The following SRBD1 variants were observed in gnomAD, a reference collection of about 807,000 sequenced individuals.
The protein encoded by SRBD1 is S1 RNA-binding domain-containing protein 1.
SRBD1 carries 88 observed loss-of-function variants against 115.3 expected under a neutral mutation model. The observed-to-expected ratio is 0.76, with a 90% CI of 0.64 to 0.91. The LOEUF is 0.91. SRBD1 is among the 40% of genes least tolerant of loss of function. The probability of loss-of-function intolerance (pLI) is 0.00; values close to 1 mark genes in which losing one functional copy is unlikely to be tolerated. For synonymous variants in SRBD1, 509 were observed against 407.7 expected (o/e 1.25, Z -2.99); for missense variants, 1,385 against 1,177.4 (o/e 1.18, Z -2.58).
intron 14 of SRBD1, among the ~76,000 whole-genome samples, chr2:45,507,751 T>A (rs1670840554): frequency 6.6e-6 from 1 of 151,424 alleles, no homozygotes; most frequent in Admixed American, 6.6e-5. Flanking sequence ...ACAAACAAAA[T>A]AATAATAATA....
At chr2:45,520,982 T>G (rs748336616) in intron 14 of SRBD1, among the ~76,000 whole-genome samples, 60 of 152,086 alleles carry the variant, frequency 3.9e-4, no homozygotes, top group Non-Finnish European at 6.8e-4. Flanking sequence ...TCTGAGCTGG[T>G]TAACACTTAA....
At chr2:45,603,997 C>T (rs1056793056) in intron 2 of SRBD1, among the ~76,000 whole-genome samples, 2 of 152,100 alleles carry the variant, frequency 1.3e-5, no homozygotes, top group African/African-American at 4.8e-5. Context: ...CCAGTCTTTC[C>T]AAAATGTCTG....
chr2:45,553,753 C>A, intron 10 of SRBD1, 23 bp from the exon 11 acceptor site: 2 of 1,479,392 alleles, frequency 1.4e-6, no homozygotes, highest in Non-Finnish European at 1.8e-6. Flanking sequence ...AAAGCCCACA[C>A]TAAAACTGAT....
chr2:45,461,295 T>C (rs528928112), intron 16 of SRBD1, among the ~76,000 whole-genome samples: 1 of 152,328 alleles, frequency 6.6e-6, no homozygotes, highest in South Asian at 2.1e-4. Context: ...GGCAGTTAAA[T>C]GGCTTACTGA....
intron 14 of SRBD1, among the ~76,000 whole-genome samples, chr2:45,531,009 G>A (rs1288992062): frequency 6.7e-6 from 1 of 148,656 alleles, no homozygotes; most frequent in Non-Finnish European, 1.5e-5. Context: ...AGAATCAATT[G>A]TCAAATAATT....
chr2:45,488,144 T>C, intron 15 of SRBD1, 96 bp downstream of exon 15: 1 of 1,044,290 alleles, frequency 9.6e-7, no homozygotes, highest in Non-Finnish European at 1.5e-6. Flanking sequence ...AGTATAACTT[T>C]TAAATTTTCT....
intron 12 of SRBD1, 105 bp downstream of exon 12, chr2:45,551,020 T>G: frequency 7.3e-7 from 1 of 1,377,806 alleles, no homozygotes; most frequent in South Asian, 1.6e-5. Context: ...AACCACTTTT[T>G]AAGCCTTTAA....
At chr2:45,561,983 A>C (rs1306964775) in intron 10 of SRBD1, among the ~76,000 whole-genome samples, 2 of 152,204 alleles carry the variant, frequency 1.3e-5, no homozygotes, top group African/African-American at 4.8e-5. Flanking sequence ...TATGATACAT[A>C]GAGCATATTT....
chr2:45,547,425 G>T, intron 13 of SRBD1, 97 bp downstream of exon 13: 2 of 1,021,902 alleles, frequency 2.0e-6, no homozygotes, highest in South Asian at 1.5e-5. Flanking sequence ...TCTCACAAAG[G>T]CACCTCCCTT....
chr2:45,599,693 A>G lies in SRBD1; in HGVS notation c.404T>C (p.Val135Ala), dbSNP rs766327469. The G allele has an allele frequency of 6.2e-7, 1 of 1,614,062 alleles. No homozygotes were observed. Among genetic ancestry groups the G allele is most frequent in the East Asian group, 2.2e-5 (1 of 44,874 alleles). The change falls in exon 4 of 21, where the codon GTT becomes GCT. Residue 135 changes from valine (V) to alanine (A), a missense_variant. By Grantham distance (64) the Val-to-Ala change is moderately conservative. Transcript: ENST00000263736. ...HTVRRTKKLK[V>A]EEETSKASNL... ...GCTGGCTTTGCTGGTTTCTTCTTCA[A>G]CTTTCAGCTTTTTAGTCCTTCGAAC...
At chr2:45,584,073 T>C (rs996722725) in intron 5 of SRBD1, among the ~76,000 whole-genome samples, 1 of 152,208 alleles carries the variant, frequency 6.6e-6, no homozygotes, top group African/African-American at 2.4e-5. Flanking sequence ...ACTTTCTTAA[T>C]TACCTTGCCT....
chr2:45,396,943 T>C (rs902857313), intron 19 of SRBD1, among the ~76,000 whole-genome samples: 1 of 152,166 alleles, frequency 6.6e-6, no homozygotes, highest in African/African-American at 2.4e-5. Flanking sequence ...AAACATATGA[T>C]TTACAACTCC....
chr2:45,550,872 G>A (rs77772687), intron 12 of SRBD1, among the ~76,000 whole-genome samples: 4 of 152,120 alleles, frequency 2.6e-5, no homozygotes, highest in Non-Finnish European at 4.4e-5. Flanking sequence ...GTTCAAGTCC[G>A]AGCCTAATTA....
At chr2:45,401,283 T>C (rs577559047) in intron 19 of SRBD1, among the ~76,000 whole-genome samples, 1 of 152,290 alleles carries the variant, frequency 6.6e-6, no homozygotes, top group South Asian at 2.1e-4. Flanking sequence ...GCTGTATCTT[T>C]AAAAACAAAA....
intron 8 of SRBD1, 90 bp downstream of exon 8, chr2:45,574,537 T>A: frequency 8.1e-7 from 1 of 1,235,656 alleles, no homozygotes. Flanking sequence ...GAAAACAAAG[T>A]TTTTAATGAA....
rs186581662 is a variant in SRBD1, at chr2:45,511,044, C to A, written c.1875-22713G>T. 7.7e-4 allele frequency among the ~76,000 whole-genome samples: 117 copies of A among 152,264 alleles called. 1 individual carries two copies. The highest frequency in any genetic ancestry group is 6.8e-3 in the Middle Eastern group (2 of 294). On this transcript the variant is annotated intron_variant, in intron 14 of 20. Coordinates refer to ENST00000263736, the MANE Select transcript of SRBD1 (RefSeq NM_018079.5). ...TCCATGAGTATTGCGAACCAACAAA[C>A]CAAAGTCAAACGAAATCCTTGCTCC...
At chr2:45,484,329 T>A (rs1470873087) in intron 15 of SRBD1, among the ~76,000 whole-genome samples, 2 of 152,162 alleles carry the variant, frequency 1.3e-5, no homozygotes, top group African/African-American at 4.8e-5. Context: ...TCTTCAATGT[T>A]GTCTCTTGTA....
At chr2:45,414,562 T>A (rs1667714591) in intron 18 of SRBD1, among the ~76,000 whole-genome samples, 1 of 150,724 alleles carries the variant, frequency 6.6e-6, no homozygotes. Flanking sequence ...GTAGTGTGTG[T>A]ACACACATAG....
intron 16 of SRBD1, among the ~76,000 whole-genome samples, chr2:45,437,522 A>C (rs1294299154): frequency 6.6e-6 from 1 of 152,216 alleles, no homozygotes; most frequent in Non-Finnish European, 1.5e-5. Flanking sequence ...AACTTGCAAA[A>C]TAATGAATGT....
Sources: gnomAD v4.1 joint callset for allele counts (sites outside exome capture counted in the v4.1 genomes callset) on GRCh38, gnomAD v4.1.1 for gene constraint, MANE v1.5 for transcripts, NCBI Gene and HGNC (gene_info 2026-07-23, HGNC 2026-07-21) for gene names.